PIGF: variants seen among roughly 807,000 people sequenced by gnomAD.
PIGF encodes the protein GPI ethanolamine phosphate transferase, stabilizing subunit.
PIGF carries 23 observed loss-of-function variants against 26.0 expected under a neutral mutation model. The observed-to-expected ratio is 0.88, with a 90% CI of 0.64 to 1.25. PIGF has a LOEUF of 1.25. PIGF is among the 50% of genes most tolerant of loss of function. The pLI is 0.00. For missense variants in PIGF, 278 were observed against 249.9 expected (o/e 1.11, Z -0.76); for synonymous variants, 93 against 92.6 (o/e 1.00, Z -0.03).
chr2:46,590,370 T>C lies in PIGF; in HGVS notation c.546+2105A>G, dbSNP rs189384627. 1.9e-4 allele frequency among the ~76,000 whole-genome samples: 29 copies of C among 152,224 alleles called. 1 individual carries two copies. Among genetic ancestry groups the C allele is most frequent in the African/African-American group, 6.0e-4 (25 of 41,564 alleles). On this transcript the variant is annotated intron_variant, in intron 5 of 5. Coordinates refer to ENST00000281382, the MANE Select transcript of PIGF (RefSeq NM_002643.4). ...GACTGAACTGTAAATAATTAAGATA[T>C]ATATTTTCTAAGCAAACCTAAACAC...
chr2:46,606,398 C>A (rs1475376151), intron 4 of PIGF, among the ~76,000 whole-genome samples: 1 of 152,054 alleles, frequency 6.6e-6, no homozygotes, highest in Non-Finnish European at 1.5e-5. Flanking sequence ...ACTAACTTAT[C>A]GGTAAATAAA....
chr2:46,584,463 G>T (rs1185577742), intron 5 of PIGF, among the ~76,000 whole-genome samples: 2 of 151,860 alleles, frequency 1.3e-5, no homozygotes, highest in African/African-American at 4.9e-5. Context: ...TAATCATTTT[G>T]TAATTTCAGT....
At chr2:46,601,814 T>C (rs1260665929) in intron 4 of PIGF, among the ~76,000 whole-genome samples, 2 of 152,026 alleles carry the variant, frequency 1.3e-5, no homozygotes, top group Non-Finnish European at 2.9e-5. Context: ...CACAAATAGG[T>C]CTTATTGAAT....
chr2:46,597,795 CT>C (rs1367394901), intron 4 of PIGF, among the ~76,000 whole-genome samples: 2 of 152,178 alleles, frequency 1.3e-5, no homozygotes, highest in Admixed American at 1.3e-4. Flanking sequence ...TTCCCGTCCT[CT>C]GTAGGTATCA....
At chr2:46,609,711 G>A (rs1336232609) in intron 4 of PIGF, among the ~76,000 whole-genome samples, 2 of 152,056 alleles carry the variant, frequency 1.3e-5, no homozygotes, top group Non-Finnish European at 2.9e-5. Context: ...GGGAGGGTGG[G>A]GAAGGGAGAG....
intron 3 of PIGF, 41 bp downstream of exon 3, chr2:46,613,653 T>C (rs1255218351): frequency 2.1e-6 from 3 of 1,400,480 alleles, no homozygotes; most frequent in Non-Finnish European, 1.9e-6. Context: ...GGTAAATGAA[T>C]GTTTTAAAAT....
intron 5 of PIGF, among the ~76,000 whole-genome samples, chr2:46,585,633 T>A (rs1669545379): frequency 6.6e-6 from 1 of 152,178 alleles, no homozygotes; most frequent in Admixed American, 6.5e-5. Context: ...CTTGAAAAAA[T>A]TAAACTTACA....
At position 46,616,965 on chromosome 2, in the gene PIGF, C is replaced by A. The variant is rs1670661707; in HGVS notation, c.-22+5G>T. On this transcript the variant is annotated splice_donor_5th_base_variant and intron_variant, in intron 1 of 5. Coordinates refer to ENST00000281382, the MANE Select transcript of PIGF (RefSeq NM_002643.4). ...GAGACGCCGAGGGCGTCCAGCGGGGCTTACCTAACTCTCCCTCCCGCGGAA... is the reference window on the plus strand; with the variant it reads ...GAGACGCCGAGGGCGTCCAGCGGGGATTACCTAACTCTCCCTCCCGCGGAA... 7.7e-6 allele frequency: 4 copies of A among 518,726 alleles called. No homozygotes were observed. Among genetic ancestry groups the A allele is most frequent in the African/African-American group, 2.0e-5 (1 of 50,926 alleles). 32.1% of individuals were successfully genotyped at this position (518,726 alleles called of 1,614,324 possible).
chr2:46,602,092 GAGTATATTATTTAATA>G (rs1193686511), intron 4 of PIGF, among the ~76,000 whole-genome samples: 1 of 151,728 alleles, frequency 6.6e-6, no homozygotes, highest in East Asian at 1.9e-4. Flanking sequence ...AGTACAAACT[GAGTATATTATTTAATA>G]AGTATACCAA....
At chr2:46,616,367 A>C (rs79749200) in intron 1 of PIGF, 1 of 152,384 alleles carries the variant, frequency 6.6e-6, no homozygotes, top group African/African-American at 2.4e-5. Flanking sequence ...CTCTCAACAG[A>C]TAGCCCTTCA....
intron 3 of PIGF, among the ~76,000 whole-genome samples, chr2:46,612,880 T>C (rs1037343911): frequency 2.6e-5 from 4 of 152,212 alleles, no homozygotes; most frequent in Non-Finnish European, 5.9e-5. Context: ...CTGATGCTGC[T>C]GGTTTGAAAA....
At chr2:46,597,839 G>T (rs955134732) in intron 4 of PIGF, among the ~76,000 whole-genome samples, 2 of 152,162 alleles carry the variant, frequency 1.3e-5, no homozygotes, top group African/African-American at 4.8e-5. Context: ...CTTTTAGAAT[G>T]ATCTCTTTAT....
In PIGF at chr2:46,588,355, C is replaced by G; in HGVS notation, c.546+4120G>C. ...TAACATATTCTCTAATATATGAGAA[C>G]TCAAATAAATCATGGAATTTGCATT... is the stretch of plus-strand genomic sequence containing the variant. On this transcript the variant is annotated intron_variant, in intron 5 of 5. Transcript: ENST00000281382. The surrounding 1 kb of genome is among the most constrained non-coding windows in gnomAD (Gnocchi z 4.1). The G allele has an allele frequency of 2.4e-6, 2 of 816,596 alleles. No individual in the cohort carries two copies. The highest frequency in any genetic ancestry group is 3.6e-6 in the Non-Finnish European group (2 of 553,322). The allele number at this position is 816,596 out of a possible 1,614,324, so 50.6% of individuals were successfully genotyped here.
At chr2:46,596,719 T>A (rs1387312821) in intron 4 of PIGF, among the ~76,000 whole-genome samples, 2 of 152,056 alleles carry the variant, frequency 1.3e-5, no homozygotes, top group Non-Finnish European at 2.9e-5. Flanking sequence ...ACTTTCTGCC[T>A]TCTTCTAAGG....
At chr2:46,591,226 T>A (rs748020811) in intron 5 of PIGF, among the ~76,000 whole-genome samples, 2 of 152,162 alleles carry the variant, frequency 1.3e-5, no homozygotes, top group Non-Finnish European at 2.9e-5. Flanking sequence ...TAAGTTTTCA[T>A]TGACATAGAA....
chr2:46,611,526 C>G (rs1558711284), intron 4 of PIGF, among the ~76,000 whole-genome samples: 1 of 151,362 alleles, frequency 6.6e-6, no homozygotes, highest in South Asian at 2.1e-4. Context: ...AGAAACCACA[C>G]ACAGCTTAGC....
chr2:46,594,881 G>A (rs1032869065), intron 4 of PIGF, among the ~76,000 whole-genome samples: 4 of 149,960 alleles, frequency 2.7e-5, no homozygotes, highest in African/African-American at 4.9e-5. Flanking sequence ...ATGGAGTTTC[G>A]CTCTTGTTGC....
intron 4 of PIGF, among the ~76,000 whole-genome samples, chr2:46,610,963 C>T (rs539822739): frequency 1.5e-4 from 23 of 152,278 alleles, no homozygotes; most frequent in Admixed American, 1.4e-3. Context: ...AGTTTCAATG[C>T]TTTTATCCAT....
At chr2:46,587,268 C>G (rs1001014941) in intron 5 of PIGF, among the ~76,000 whole-genome samples, 2 of 152,114 alleles carry the variant, frequency 1.3e-5, no homozygotes, top group African/African-American at 4.8e-5. Flanking sequence ...TTCAATCAAT[C>G]AAATCCATAA....
Sources: allele counts gnomAD v4.1 joint callset (sites outside exome capture counted in the v4.1 genomes callset), GRCh38; gene constraint gnomAD v4.1.1; non-coding constraint Gnocchi (gnomAD v3.1); transcripts MANE v1.5; gene names NCBI Gene and HGNC (gene_info 2026-07-23, HGNC 2026-07-21).